The following TTC24 variants were observed in gnomAD, a reference collection of about 807,000 sequenced individuals.
TTC24 encodes the protein tetratricopeptide repeat domain 24, also known as tetratricopeptide repeat protein 24.
TTC24 carries 54 observed loss-of-function variants against 63.3 expected under a neutral mutation model. That is an observed-to-expected ratio of 0.85 (90% confidence interval 0.69 to 1.07). The LOEUF (loss-of-function observed/expected upper bound fraction) is 1.07. Among genes scored for constraint, TTC24 ranks in the 50% least tolerant of loss-of-function variants. TTC24 has a pLI of 0.00. For missense variants in TTC24, 680 were observed against 730.5 expected, an observed-to-expected ratio of 0.93 and a Z score of 0.80; for synonymous variants, 276 against 304.3, an observed-to-expected ratio of 0.91 and a Z score of 0.97.
Position 156,583,135 on chromosome 1 carries a change from A to T in TTC24, c.1004A>T (p.Asn335Ile), listed in dbSNP as rs1198343970. 1 of 1,613,414 alleles carries T rather than the reference A, an allele frequency of 6.2e-7. No homozygotes were observed. Among genetic ancestry groups the T allele is most frequent in the African/African-American group, 1.3e-5 (1 of 74,886 alleles). Residue 335 changes from asparagine (N) to isoleucine (I), a missense_variant, in exon 4 of 11, where the codon AAC (asparagine) becomes ATC (isoleucine). Physicochemically the swap from Asn to Ile is moderately radical, Grantham distance 149. Transcript: ENST00000368236. This position sits in a 1 kb window ranked among gnomAD's most constrained non-coding sequence, Gnocchi z 4.0. The stretch of plus-strand genomic sequence containing the variant: ...GGGGACCACAAGGCTGCCAGAGACA[A>T]CTACCTGCATGCCCTGCAGGCTGCC... ...QLGDHKAARD[N>I]YLHALQAARD... is the part of the protein sequence containing the mutation.
In TTC24 at chr1:156,582,052, A is replaced by T. The variant is rs1254899452; in HGVS notation, c.688A>T (p.Thr230Ser). 6.8e-7 allele frequency: 1 copy of T among 1,472,984 alleles called. No homozygotes were observed. Among genetic ancestry groups the T allele is most frequent in the African/African-American group, 1.4e-5 (1 of 70,258 alleles). The allele number at this position is 1,472,984 out of a possible 1,614,324, so 91.2% of individuals were successfully genotyped here. Reference protein sequence around the residue: ...EKSRRLAERSTERRLLGHLYN... With the variant: ...EKSRRLAERSSERRLLGHLYN... ...AAGCCGGAGGCTTGCCGAGAGGAGCACTGAGAGGCGACTGCTGGGTGAGAC... is the reference window on the plus strand; with the variant it reads ...AAGCCGGAGGCTTGCCGAGAGGAGCTCTGAGAGGCGACTGCTGGGTGAGAC... The change falls in exon 2 of 11, where the codon ACT (threonine) becomes TCT (serine). Residue 230 changes from threonine to serine, a missense_variant. Transcript: ENST00000368236.
intron 7 of TTC24, 66 bp downstream of exon 7, chr1:156,585,040 T>A: frequency 1.3e-6 from 2 of 1,538,172 alleles, no homozygotes; most frequent in Non-Finnish European, 1.8e-6. Flanking sequence ...GCTGTCGCAG[T>A]GGGGTAGGAC....
In TTC24 at chr1:156,582,035, G is replaced by A; in HGVS notation, c.671G>A (p.Arg224Lys). ...EVVQVLEKSR[R>K]LAERSTERRL... ...GTGCAGGTGCTGGAGAAAAGCCGGAGGCTTGCCGAGAGGAGCACTGAGAGG... is the reference window on the plus strand; with the variant it reads ...GTGCAGGTGCTGGAGAAAAGCCGGAAGCTTGCCGAGAGGAGCACTGAGAGG... Residue 224 changes from arginine (R) to lysine (K), a missense_variant, in exon 2 of 11, where the codon AGG (arginine) becomes AAG (lysine). Coordinates refer to ENST00000368236, the MANE Select transcript of TTC24 (RefSeq NM_001105669.4). 6.8e-7 allele frequency: 1 copy of A among 1,478,498 alleles called. No individual in the cohort carries two copies. Among genetic ancestry groups the A allele is most frequent in the East Asian group, 2.5e-5 (1 of 40,418 alleles). 91.6% of individuals were successfully genotyped at this position (1,478,498 alleles called of 1,614,324 possible). A position where few individuals can be genotyped will look rare whatever the true frequency, so the allele number is the denominator to read the frequency against.
chr1:156,582,496 G>C (rs889409844), intron 3 of TTC24, 62 bp downstream of exon 3: 5 of 1,511,216 alleles, frequency 3.3e-6, no homozygotes, highest in African/African-American at 1.4e-5. Flanking sequence ...GTTCCAAAAG[G>C]GGCCCAAGGC....
intron 1 of TTC24, among the ~76,000 whole-genome samples, chr1:156,580,663 A>G (rs2102467145): frequency 6.6e-6 from 1 of 152,154 alleles, no homozygotes; most frequent in Non-Finnish European, 1.5e-5. Flanking sequence ...TTTTTAGTAG[A>G]GACGGGGTTT....
rs764592562 is a variant in TTC24, at chr1:156,583,154, G to A, written c.1023G>A (p.Gln341=). ...AARDNYLHAL[Q]AARDSGDMKG... ...GAGACAACTACCTGCATGCCCTGCA[G>A]GCTGCCCGGGACTCTGGTAAGCGTG... The change falls in exon 4 of 11, where the codon CAG becomes CAA. Residue 341 remains glutamine (Q), a synonymous_variant. Transcript: ENST00000368236. The surrounding 1 kb of genome is among the most constrained non-coding windows in gnomAD (Gnocchi z 4.0). 64 of 1,612,812 alleles carry A rather than the reference G, an allele frequency of 4.0e-5. No individual in the cohort carries two copies. In the South Asian group the frequency reaches 6.5e-4, roughly 16 times the overall value.
chr1:156,585,675 G>T, intron 8 of TTC24, 38 bp from the exon 9 acceptor site: 8 of 1,457,456 alleles, frequency 5.5e-6, no homozygotes, highest in Non-Finnish European at 7.7e-6. Flanking sequence ...TTTGCTACTT[G>T]TTGAGCTGAC....
In TTC24 at chr1:156,587,400, T is replaced by C. The variant is rs940818682; in HGVS notation, c.*850T>C. ...GAAGCTGGGAATCAAACCCAGGCAG[T>C]GAGCACTTTCTAGAATGCTGTGCAG... On this transcript the variant is annotated 3_prime_UTR_variant, in exon 11 of 11. Transcript: ENST00000368236. Among the ~76,000 whole-genome samples, 2 of 152,246 alleles carry C rather than the reference T, an allele frequency of 1.3e-5. No homozygotes were observed. The highest frequency in any genetic ancestry group is 6.5e-5 in the Admixed American group (1 of 15,284).
In TTC24 at chr1:156,585,754, G is replaced by C. The variant is rs778886760; in HGVS notation, c.1498G>C (p.Ala500Pro). 11 of 1,613,852 alleles carry C rather than the reference G, an allele frequency of 6.8e-6. No homozygotes were observed. The African/African-American group carries it at 1.3e-4, about 20-fold the overall frequency. ...CACAGTGAATCATTCGCACCATCTA[G>C]CTTCTAGTTGCCCCACGTTTACCAA... ...PGTVNHSHHL[A>P]SSCPTFTKHT... The change falls in exon 9 of 11, where the codon GCT (alanine) becomes CCT (proline). Residue 500 changes from alanine (A) to proline (P), a missense_variant. Transcript: ENST00000368236.
At position 156,581,521 on chromosome 1, in the gene TTC24, C is replaced by G. The variant is rs1676991196; in HGVS notation, c.157C>G (p.His53Asp). Residue 53 changes from histidine to aspartate, a missense_variant, in exon 2 of 11, where the codon CAT (histidine) becomes GAT (aspartate). Coordinates refer to ENST00000368236, the MANE Select transcript of TTC24 (RefSeq NM_001105669.4). The stretch of plus-strand genomic sequence containing the variant: ...TGGGGCCCTTCAGGCTGGCCAGAAC[C>G]ATGAAGCCTTGAACAACTTCCAGAG... ...GHGALQAGQN[H>D]EALNNFQRAF... is the part of the protein sequence containing the mutation. 6.4e-7 allele frequency: 1 copy of G among 1,551,404 alleles called. No individual in the cohort carries two copies.
rs145327471 is a variant in TTC24 at position 156,585,609 on chromosome 1, A to G, written c.1457-104A>G. 280 of 829,798 alleles carry G rather than the reference A, an allele frequency of 3.4e-4. No individual in the cohort carries two copies. The Middle Eastern group carries it at 6.0e-3, about 18-fold the overall frequency. The allele number at this position is 829,798 out of a possible 1,614,324, so 51.4% of individuals were successfully genotyped here. On this transcript the variant is annotated intron_variant, in intron 8 of 10. Transcript: ENST00000368236. ...GCGCTGGGTGCTGTTGGTAAACCCCAGCTCACTACTCAATAGCATCTCCCA... is the reference window on the plus strand; with the variant it reads ...GCGCTGGGTGCTGTTGGTAAACCCCGGCTCACTACTCAATAGCATCTCCCA...
chr1:156,583,600 G>A lies in TTC24; in HGVS notation c.1152+150G>A. On this transcript the variant is annotated intron_variant, in intron 5 of 10. Transcript: ENST00000368236. This position sits in a 1 kb window ranked among gnomAD's most constrained non-coding sequence, Gnocchi z 4.0. Reference sequence around the variant, plus strand: ...GTGTGCTAGGTCTTGGGATACTATTGTGAGGAAGAGTTCATCGCTGTCCAC... The same window carrying A: ...GTGTGCTAGGTCTTGGGATACTATTATGAGGAAGAGTTCATCGCTGTCCAC... 2.3e-6 allele frequency: 2 copies of A among 878,742 alleles called. No homozygotes were observed. 54.4% of individuals were successfully genotyped at this position (878,742 alleles called of 1,614,324 possible).
intron 10 of TTC24, 116 bp from the exon 11 acceptor site, chr1:156,586,353 G>C: frequency 6.0e-6 from 5 of 838,418 alleles, no homozygotes; most frequent in Non-Finnish European, 9.7e-6. Context: ...CTTCTCTGGA[G>C]CCCACCAGCA....
rs1419225860 is a variant in TTC24 at position 156,585,239 on chromosome 1, G to C, written c.1456+8G>C. The C allele has an allele frequency of 6.2e-7, 1 of 1,602,160 alleles. No individual in the cohort carries two copies. Among genetic ancestry groups the C allele is most frequent in the Admixed American group, 1.7e-5 (1 of 58,280 alleles). On this transcript the variant is annotated splice_region_variant and intron_variant, in intron 8 of 10. Coordinates refer to ENST00000368236, the MANE Select transcript of TTC24 (RefSeq NM_001105669.4). ...GGCCGGGAAGACCAGAGCGTGAGTT[G>C]ATGTAGAGTATTCCTGGCGGTGCCT... is the stretch of plus-strand genomic sequence containing the variant.
At position 156,583,518 on chromosome 1, in the gene TTC24, C is replaced by T. The variant is rs918473458; in HGVS notation, c.1152+68C>T. On this transcript the variant is annotated intron_variant, in intron 5 of 10. Coordinates refer to ENST00000368236, the MANE Select transcript of TTC24 (RefSeq NM_001105669.4). The surrounding 1 kb of genome is among the most constrained non-coding windows in gnomAD (Gnocchi z 4.0). ...CTCTTCTGGCTGACATTCCTGCCTT[C>T]ACTCCTTGTCTTCTCCCCATCACTC... 2 of 1,291,600 alleles carry T rather than the reference C, an allele frequency of 1.5e-6. No individual in the cohort carries two copies. The highest frequency in any genetic ancestry group is 3.0e-5 in the African/African-American group (2 of 66,782). 80.0% of individuals were successfully genotyped at this position (1,291,600 alleles called of 1,614,324 possible).
chr1:156,583,105 A>T lies in TTC24; in HGVS notation c.974A>T (p.Gln325Leu). ...SFGSLAFALS[Q>L]LGDHKAARDN... Reference sequence around the variant, plus strand: ...GGCAGCCTGGCCTTTGCATTGAGCCAGCTGGGGGACCACAAGGCTGCCAGA... The same window carrying T: ...GGCAGCCTGGCCTTTGCATTGAGCCTGCTGGGGGACCACAAGGCTGCCAGA... Residue 325 changes from glutamine to leucine, a missense_variant, in exon 4 of 11, where the codon CAG becomes CTG. Physicochemically the swap from Gln to Leu is moderately radical, Grantham distance 113. Transcript: ENST00000368236. The surrounding 1 kb of genome is among the most constrained non-coding windows in gnomAD (Gnocchi z 4.0). The T allele has an allele frequency of 2.5e-6, 4 of 1,613,814 alleles. No homozygotes were observed. The highest frequency in any genetic ancestry group is 2.5e-6 in the Non-Finnish European group (3 of 1,179,818).
Position 156,582,048 on chromosome 1 carries a change from G to A in TTC24, c.684G>A (p.Arg228=), listed in dbSNP as rs1677013458. ...AGAAAAGCCGGAGGCTTGCCGAGAG[G>A]AGCACTGAGAGGCGACTGCTGGGTG... is the stretch of plus-strand genomic sequence containing the variant. The part of the protein sequence containing the change: ...VLEKSRRLAE[R]STERRLLGHL... Residue 228 remains arginine, a synonymous_variant, in exon 2 of 11, where the codon AGG becomes AGA. Coordinates refer to ENST00000368236, the MANE Select transcript of TTC24 (RefSeq NM_001105669.4). The A allele has an allele frequency of 2.7e-6, 4 of 1,473,380 alleles. No homozygotes were observed. The East Asian group carries it at 9.9e-5, about 36-fold the overall frequency. The allele number at this position is 1,473,380 out of a possible 1,614,324, so 91.3% of individuals were successfully genotyped here.
chr1:156,585,808 G>C lies in TTC24; in HGVS notation c.1552G>C (p.Gly518Arg), dbSNP rs770942546. 4 of 1,613,222 alleles carry C rather than the reference G, an allele frequency of 2.5e-6. No individual in the cohort carries two copies. Among genetic ancestry groups the C allele is most frequent in the Admixed American group, 3.3e-5 (2 of 60,012 alleles). Reference sequence around the variant, plus strand: ...CACGCCCTGCAGAGGGACAGTCCTCGGCAAAGCCTCCATCTATAGTGAGCA... The same window carrying C: ...CACGCCCTGCAGAGGGACAGTCCTCCGCAAAGCCTCCATCTATAGTGAGCA... ...KHTPCRGTVL[G>R]KASIYSPGPR... Residue 518 changes from glycine (G) to arginine (R), a missense_variant, in exon 9 of 11, where the codon GGC becomes CGC. Transcript: ENST00000368236.
chr1:156,583,711 C>T lies in TTC24; in HGVS notation c.1153-86C>T, dbSNP rs900848646. 3.7e-6 allele frequency: 4 copies of T among 1,075,126 alleles called. No homozygotes were observed. In the African/African-American group the frequency reaches 4.7e-5, roughly 13 times the overall value. The allele number at this position is 1,075,126 out of a possible 1,614,324, so 66.6% of individuals were successfully genotyped here. On this transcript the variant is annotated intron_variant, in intron 5 of 10. Coordinates refer to ENST00000368236, the MANE Select transcript of TTC24 (RefSeq NM_001105669.4). The surrounding 1 kb of genome is among the most constrained non-coding windows in gnomAD (Gnocchi z 4.0). ...GGAAACAAAGCCCCCCTCCCCCCTC[C>T]CTTTCCTGTTTCCTTCTTCCCCAAC...
Sources: allele counts gnomAD v4.1 joint callset (sites outside exome capture counted in the v4.1 genomes callset), GRCh38; gene constraint gnomAD v4.1.1; non-coding constraint Gnocchi (gnomAD v3.1); transcripts MANE v1.5; gene names NCBI Gene and HGNC (gene_info 2026-07-23, HGNC 2026-07-21).